Variants in ASTN2 observed in about 807,000 individuals in gnomAD.
The protein encoded by ASTN2 is astrotactin-2.
ASTN2 carries 54 observed loss-of-function variants against 139.8 expected under a neutral mutation model. That is an observed-to-expected ratio of 0.39 (90% CI 0.31 to 0.48). The LOEUF is 0.48. Among genes scored for constraint, ASTN2 ranks in the 20% least tolerant of loss-of-function variants. The probability of loss-of-function intolerance (pLI) is 0.95; values close to 1 mark genes in which losing one functional copy is unlikely to be tolerated. For missense variants in ASTN2, 1,565 were observed against 1,725.1 expected (o/e 0.91, Z 1.64); for synonymous variants, 756 against 719.5 (o/e 1.05, Z -0.81).
intron 19 of ASTN2, among the ~76,000 whole-genome samples, chr9:116,514,401 G>C (rs1850545951): frequency 6.6e-6 from 1 of 151,974 alleles, no homozygotes; most frequent in African/African-American, 2.4e-5. Context: ...TGAGGTGTCA[G>C]TCTGCCCCTA....
intron 6 of ASTN2, among the ~76,000 whole-genome samples, chr9:117,032,443 G>A (rs916760210): frequency 1.3e-5 from 2 of 152,108 alleles, no homozygotes; most frequent in Admixed American, 6.6e-5. Context: ...AGTCAACATG[G>A]AGCATTTTAA....
intron 1 of ASTN2, among the ~76,000 whole-genome samples, chr9:117,329,359 G>C (rs1828628866): frequency 6.6e-6 from 1 of 151,828 alleles, no homozygotes; most frequent in African/African-American, 2.4e-5. Context: ...CCAGTGATAT[G>C]TGAACAGAAG....
chr9:117,226,752 C>T lies in ASTN2; in HGVS notation c.631-12010G>A, dbSNP rs140936849. Among the ~76,000 whole-genome samples, 765 of 152,298 alleles carry T rather than the reference C, an allele frequency of 5.0e-3. 2 individuals are homozygous for T. Among genetic ancestry groups the T allele is most frequent in the Non-Finnish European group, 7.1e-3 (485 of 68,030 alleles). ...CAGTGACAGGACACACATTTGGCTC[C>T]AGAATCCTGTTTGTCTGCTGCATGC... On this transcript the variant is annotated intron_variant, in intron 2 of 22. Transcript: ENST00000313400.
intron 16 of ASTN2, chr9:116,686,998 C>T (rs1357647420): frequency 2.5e-5 from 36 of 1,418,376 alleles, no homozygotes; most frequent in Non-Finnish European, 3.1e-5. Flanking sequence ...CTGGAGGCTA[C>T]CGTTTTGTGA....
chr9:116,948,698 A>AGT (rs112233837), intron 10 of ASTN2, among the ~76,000 whole-genome samples: 72,350 of 134,888 alleles, frequency 0.54, 19,766 homozygotes, highest in South Asian at 0.62. Flanking sequence ...TATATGTGTG[A>AGT]GTGTGTGTGT....
At chr9:116,999,727 T>C (rs1024562016) in intron 7 of ASTN2, among the ~76,000 whole-genome samples, 2 of 151,844 alleles carry the variant, frequency 1.3e-5, no homozygotes, top group Admixed American at 1.3e-4. Flanking sequence ...GCTCAGCTAA[T>C]TTTTGTATTT....
chr9:116,446,533 C>G (rs1373256875), intron 20 of ASTN2, among the ~76,000 whole-genome samples: 1 of 152,208 alleles, frequency 6.6e-6, no homozygotes, highest in African/African-American at 2.4e-5. Flanking sequence ...TACAAAGACT[C>G]TGGCATTCCT....
intron 19 of ASTN2, among the ~76,000 whole-genome samples, chr9:116,492,094 T>C (rs1390107990): frequency 6.6e-6 from 1 of 151,958 alleles, no homozygotes; most frequent in East Asian, 1.9e-4. Flanking sequence ...TCTTTTTTTT[T>C]TTTTTGAGAA....
At chr9:117,221,388 G>A (rs1832512622) in intron 2 of ASTN2, among the ~76,000 whole-genome samples, 1 of 152,116 alleles carries the variant, frequency 6.6e-6, no homozygotes, top group South Asian at 2.1e-4. Flanking sequence ...AGGCATGAAA[G>A]AAGGAAGCAG....
At chr9:116,652,252 G>A (rs926185518) in intron 16 of ASTN2, among the ~76,000 whole-genome samples, 2 of 152,130 alleles carry the variant, frequency 1.3e-5, no homozygotes, top group African/African-American at 2.4e-5. Flanking sequence ...CTTGAACCCA[G>A]GAAGCAGAGG....
intron 2 of ASTN2, among the ~76,000 whole-genome samples, chr9:117,289,617 T>G (rs1834537046): frequency 6.6e-6 from 1 of 152,200 alleles, no homozygotes; most frequent in South Asian, 2.1e-4. Flanking sequence ...AGTCTCACTC[T>G]CAAATGTTAA....
In ASTN2 at chr9:117,157,317, C is replaced by T. The variant is rs117975501; in HGVS notation, c.1016-15839G>A. Among the ~76,000 whole-genome samples, 92 of 152,104 alleles carry T rather than the reference C, an allele frequency of 6.0e-4. No homozygotes were observed. In the East Asian group the frequency reaches 0.018, roughly 30 times the overall value. On this transcript the variant is annotated intron_variant, in intron 3 of 22. Coordinates refer to ENST00000313400, the MANE Select transcript of ASTN2 (RefSeq NM_001365068.1). ...TTAGAGACTGGAAGGAAAAAAGACA[C>T]ATGGATCCAAGTTAGCAGGAAGCCT... is the stretch of plus-strand genomic sequence containing the variant.
intron 10 of ASTN2, among the ~76,000 whole-genome samples, chr9:116,891,785 G>T (rs12000683): frequency 0.025 from 3,810 of 152,262 alleles, 149 homozygotes; most frequent in African/African-American, 0.084. Context: ...TTACATATAT[G>T]TTTTTAAAGT....
chr9:116,920,501 G>A (rs1347594683), intron 10 of ASTN2, among the ~76,000 whole-genome samples: 2 of 152,196 alleles, frequency 1.3e-5, no homozygotes, highest in African/African-American at 2.4e-5. Context: ...CCTGTCTACT[G>A]CAAGCTCCCT....
chr9:116,595,497 T>G (rs1854528176), intron 19 of ASTN2, among the ~76,000 whole-genome samples: 1 of 152,132 alleles, frequency 6.6e-6, no homozygotes, highest in Non-Finnish European at 1.5e-5. Context: ...TGGCTAATTT[T>G]TGAATTTTCA....
At chr9:116,898,001 T>C (rs1337284661) in intron 10 of ASTN2, among the ~76,000 whole-genome samples, 1 of 152,116 alleles carries the variant, frequency 6.6e-6, no homozygotes. Context: ...TATAGTGATA[T>C]TGTTCTAATT....
chr9:116,923,107 C>T (rs1009677496), intron 10 of ASTN2, among the ~76,000 whole-genome samples: 8 of 152,292 alleles, frequency 5.3e-5, no homozygotes, highest in African/African-American at 1.2e-4. Flanking sequence ...TCAAACAAAG[C>T]CCGCCTAAAT....
intron 20 of ASTN2, among the ~76,000 whole-genome samples, chr9:116,473,047 T>C (rs541691408): frequency 1.1e-3 from 165 of 152,270 alleles, no homozygotes; most frequent in Non-Finnish European, 1.6e-3. Context: ...GTATCTACCT[T>C]AGAGGGTACC....
At chr9:116,914,569 T>TTAA (rs1834393238) in intron 10 of ASTN2, among the ~76,000 whole-genome samples, 1 of 148,242 alleles carries the variant, frequency 6.7e-6, no homozygotes, top group African/African-American at 2.5e-5. Context: ...ATTATTATTA[T>TTAA]TATTTATATA....
Sources: gnomAD v4.1 joint callset for allele counts (sites outside exome capture counted in the v4.1 genomes callset) on GRCh38, gnomAD v4.1.1 for gene constraint, MANE v1.5 for transcripts, NCBI Gene and HGNC (gene_info 2026-07-23, HGNC 2026-07-21) for gene names.